Variants in VAV3 observed in about 807,000 individuals in gnomAD.
VAV3 encodes vav guanine nucleotide exchange factor 3, also known as guanine nucleotide exchange factor VAV3.
In VAV3, 94 loss-of-function variants were observed where a neutral mutation model predicts 131.2. The ratio of observed to expected loss-of-function variants is 0.72; its 90% CI spans 0.61 to 0.85. The LOEUF (loss-of-function observed/expected upper bound fraction) is 0.85, where lower values mean the gene tolerates loss of function less well. Among genes scored for constraint, VAV3 ranks in the 40% least tolerant of loss-of-function variants. The pLI, the probability that VAV3 is intolerant of heterozygous loss-of-function variation, is 0.00. For synonymous variants in VAV3, 349 were observed against 342.0 expected (o/e 1.02, Z -0.22); for missense variants, 939 against 1,002.7 (o/e 0.94, Z 0.86).
intron 2 of VAV3, among the ~76,000 whole-genome samples, chr1:107,799,645 G>A (rs1279939511): frequency 6.6e-6 from 1 of 151,328 alleles, no homozygotes; most frequent in Non-Finnish European, 1.5e-5. Context: ...ATCAAATCAG[G>A]GCAATTGGCA....
chr1:107,731,859 T>C (rs17482100), intron 15 of VAV3, among the ~76,000 whole-genome samples: 2,057 of 152,308 alleles, frequency 0.014, 25 homozygotes, highest in Middle Eastern at 0.02. Flanking sequence ...ATTTTGACCA[T>C]TATGAAAAGG....
Position 107,596,362 on chromosome 1 carries a change from C to A in VAV3, c.2221-21G>T, listed in dbSNP as rs764775660. The A allele has an allele frequency of 4.3e-6, 7 of 1,610,154 alleles. No individual in the cohort carries two copies. The African/African-American group carries it at 9.4e-5, about 22-fold the overall frequency. ...AGTTCCTTTGGAAAAAAGAATCCAA[C>A]ATATTTTTGATAAGGATACTTTTGT... On this transcript the variant is annotated intron_variant, in intron 24 of 26. Coordinates refer to ENST00000370056, the MANE Select transcript of VAV3 (RefSeq NM_006113.5).
At chr1:107,795,564 T>C (rs72981443) in intron 2 of VAV3, among the ~76,000 whole-genome samples, 3,544 of 152,312 alleles carry the variant, frequency 0.023, 60 homozygotes, top group African/African-American at 0.045. Flanking sequence ...TGTCAAAATA[T>C]GGCATATGTA....
intron 2 of VAV3, among the ~76,000 whole-genome samples, chr1:107,852,225 T>C (rs1400094893): frequency 2.6e-5 from 4 of 152,188 alleles, no homozygotes; most frequent in Admixed American, 6.5e-5. Flanking sequence ...GAAATTCCCT[T>C]TTTAGTTTCC....
intron 2 of VAV3, among the ~76,000 whole-genome samples, chr1:107,830,116 G>C (rs1490391669): frequency 6.6e-6 from 1 of 152,132 alleles, no homozygotes; most frequent in Non-Finnish European, 1.5e-5. Flanking sequence ...TGTCAGAAAA[G>C]TCTGAGAACC....
chr1:107,907,217 A>G (rs921126185), intron 1 of VAV3, among the ~76,000 whole-genome samples: 1 of 152,224 alleles, frequency 6.6e-6, no homozygotes, highest in Non-Finnish European at 1.5e-5. Flanking sequence ...AAATGGTCAT[A>G]TACAAAGTTT....
intron 15 of VAV3, among the ~76,000 whole-genome samples, chr1:107,737,128 G>A (rs1348285737): frequency 6.6e-6 from 1 of 152,160 alleles, no homozygotes; most frequent in African/African-American, 2.4e-5. Flanking sequence ...TTAATAAATG[G>A]TGCTGGGAAA....
At chr1:107,720,570 C>G (rs994527355) in intron 15 of VAV3, among the ~76,000 whole-genome samples, 15 of 151,030 alleles carry the variant, frequency 9.9e-5, no homozygotes, top group African/African-American at 3.4e-4. Flanking sequence ...CCCAGCTACT[C>G]GAGAGGCTGA....
intron 1 of VAV3, among the ~76,000 whole-genome samples, chr1:107,895,447 T>A (rs1671520141): frequency 6.6e-6 from 1 of 152,200 alleles, no homozygotes; most frequent in Admixed American, 6.5e-5. Flanking sequence ...GACACTATCC[T>A]AAGCAATCTT....
At chr1:107,578,701 C>A (rs1410404) in intron 25 of VAV3, 338,332 of 877,848 alleles carry the variant, frequency 0.39, 66,139 homozygotes, top group Non-Finnish European at 0.39. Context: ...CTCCGCCTCC[C>A]GGGTTCACGC....
At chr1:107,911,728 T>A (rs964259048) in intron 1 of VAV3, among the ~76,000 whole-genome samples, 1 of 152,176 alleles carries the variant, frequency 6.6e-6, no homozygotes, top group Non-Finnish European at 1.5e-5. Context: ...ACTGGCCAAG[T>A]GAGAAAGAAA....
intron 21 of VAV3, among the ~76,000 whole-genome samples, chr1:107,613,271 T>C (rs570375729): frequency 2.3e-4 from 35 of 152,292 alleles, no homozygotes; most frequent in African/African-American, 8.4e-4. Context: ...TTAGTTTTAT[T>C]ATAGAATCTG....
chr1:107,573,345 C>G lies in VAV3; in HGVS notation c.2530G>C (p.Glu844Gln). 6.2e-7 allele frequency: 1 copy of G among 1,614,062 alleles called. No homozygotes were observed. The highest frequency in any genetic ancestry group is 1.1e-5 in the South Asian group (1 of 91,056). Reference protein sequence around the residue: ...RVGWFPSTYVEEDE With the variant: ...RVGWFPSTYVQEDE ...GGGATTTGAATTTATTCATCCTCTT[C>G]CACATATGTGGATGGAAACCAGCCC... Residue 844 changes from glutamate (E) to glutamine (Q), a missense_variant, in exon 27 of 27, where the codon GAA (glutamate) becomes CAA (glutamine). By Grantham distance (29) the Glu-to-Gln change is conservative (BLOSUM62 2). Coordinates refer to ENST00000370056, the MANE Select transcript of VAV3 (RefSeq NM_006113.5).
intron 25 of VAV3, chr1:107,576,256 G>A: frequency 3.1e-6 from 2 of 653,104 alleles, no homozygotes; most frequent in South Asian, 5.2e-5. Context: ...GAAGAGTAAA[G>A]TGCATGGTGG....
At chr1:107,775,743 C>A (rs893015067) in intron 4 of VAV3, among the ~76,000 whole-genome samples, 1 of 152,000 alleles carries the variant, frequency 6.6e-6, no homozygotes, top group Non-Finnish European at 1.5e-5. Context: ...TTGGTGAGTT[C>A]TTAGAGATTT....
chr1:107,614,157 C>T (rs961893385), intron 21 of VAV3, among the ~76,000 whole-genome samples: 4 of 151,774 alleles, frequency 2.6e-5, no homozygotes, highest in Admixed American at 2.6e-4. Flanking sequence ...GGGGATATAC[C>T]CAAGTTTGCA....
rs533172699 is a variant in VAV3 at position 107,855,699 on chromosome 1, G to A, written c.321+19202C>T. ...TGATGTCCTTGTTAGGACTGGTAGG[G>A]TGACCCACAATAAATCTAATAGTAT... On this transcript the variant is annotated intron_variant, in intron 2 of 26. Transcript: ENST00000370056. 2.2e-4 allele frequency among the ~76,000 whole-genome samples: 34 copies of A among 152,240 alleles called. 1 individual carries two copies. In the South Asian group the frequency reaches 6.2e-3, roughly 28 times the overall value.
At chr1:107,944,743 T>A (rs1322166624) in intron 1 of VAV3, among the ~76,000 whole-genome samples, 1 of 152,146 alleles carries the variant, frequency 6.6e-6, no homozygotes, top group Non-Finnish European at 1.5e-5. Flanking sequence ...TAGCTGGGAC[T>A]ATTGGCGTCC....
At chr1:107,759,626 G>A (rs1664306459) in intron 10 of VAV3, among the ~76,000 whole-genome samples, 1 of 151,992 alleles carries the variant, frequency 6.6e-6, no homozygotes, top group African/African-American at 2.4e-5. Flanking sequence ...AAGTCATCAT[G>A]GAACTAAACA....
Sources: allele counts gnomAD v4.1 joint callset (sites outside exome capture counted in the v4.1 genomes callset), GRCh38; gene constraint gnomAD v4.1.1; transcripts MANE v1.5; gene names NCBI Gene and HGNC (gene_info 2026-07-23, HGNC 2026-07-21).